The following SCD5 variants were observed in gnomAD, a reference collection of about 807,000 sequenced individuals.
SCD5 encodes stearoyl-CoA desaturase 5.
A neutral mutation model predicts 30.4 loss-of-function variants in SCD5; 20 were observed. That is an observed-to-expected ratio of 0.66 (90% CI 0.46 to 0.96). The LOEUF (loss-of-function observed/expected upper bound fraction) is 0.96, where lower values mean the gene tolerates loss of function less well. Among genes scored for constraint, SCD5 ranks in the 40% least tolerant of loss-of-function variants. The pLI is 0.00. For missense variants in SCD5, 381 were observed against 443.3 expected, an observed-to-expected ratio of 0.86 and a Z score of 1.26; for synonymous variants, 173 against 176.4, an observed-to-expected ratio of 0.98 and a Z score of 0.16.
chr4:82,635,869 C>T (rs114975915), intron 4 of SCD5, among the ~76,000 whole-genome samples: 6 of 152,082 alleles, frequency 3.9e-5, no homozygotes, highest in Non-Finnish European at 8.8e-5. Flanking sequence ...TTCATGGTCC[C>T]GTGAAATGCC....
intron 1 of SCD5, among the ~76,000 whole-genome samples, chr4:82,724,384 A>G (rs1299488685): frequency 6.6e-6 from 1 of 152,188 alleles, no homozygotes; most frequent in African/African-American, 2.4e-5. Flanking sequence ...TGGGAGGCTG[A>G]GGCAGGAGGA....
At chr4:82,778,159 T>A (rs551057568) in intron 1 of SCD5, among the ~76,000 whole-genome samples, 42 of 151,370 alleles carry the variant, frequency 2.8e-4, no homozygotes, top group African/African-American at 7.0e-4. Flanking sequence ...TAAGTGGGAG[T>A]TGAACAATGA....
At chr4:82,648,538 TGG>T (rs33965699) in intron 3 of SCD5, among the ~76,000 whole-genome samples, 144,823 of 152,148 alleles carry the variant, frequency 0.95, 69,029 homozygotes, top group East Asian at 1. Context: ...TGCTCTGTGT[TGG>T]TTTCCAAGAG....
chr4:82,645,872 T>A (rs1727625272), intron 3 of SCD5, among the ~76,000 whole-genome samples: 1 of 152,254 alleles, frequency 6.6e-6, no homozygotes, highest in African/African-American at 2.4e-5. Context: ...AATCTGGGTG[T>A]GATAAGCATC....
intron 2 of SCD5, among the ~76,000 whole-genome samples, chr4:82,694,319 C>G (rs1386025206): frequency 6.6e-6 from 1 of 152,204 alleles, no homozygotes; most frequent in Non-Finnish European, 1.5e-5. Flanking sequence ...GCATCATGTT[C>G]CCTTCTGCTG....
chr4:82,730,806 G>A (rs555429838), intron 1 of SCD5, among the ~76,000 whole-genome samples: 5 of 152,018 alleles, frequency 3.3e-5, no homozygotes, highest in South Asian at 2.1e-4. Context: ...AGATGGTCTC[G>A]GTCTCCTGAC....
intron 1 of SCD5, among the ~76,000 whole-genome samples, chr4:82,774,235 A>C (rs559807618): frequency 5.9e-5 from 9 of 151,534 alleles, no homozygotes; most frequent in African/African-American, 2.2e-4. Flanking sequence ...AACGAAAAAC[A>C]ACCTAAATTT....
intron 1 of SCD5, among the ~76,000 whole-genome samples, chr4:82,792,650 A>G (rs1179749786): frequency 6.6e-6 from 1 of 152,234 alleles, no homozygotes; most frequent in Non-Finnish European, 1.5e-5. Flanking sequence ...TGAACCCAGG[A>G]GGTTGAGGCT....
intron 1 of SCD5, among the ~76,000 whole-genome samples, chr4:82,782,086 C>T (rs74585323): frequency 6.6e-6 from 1 of 150,654 alleles, no homozygotes; most frequent in Admixed American, 6.7e-5. Flanking sequence ...AAGGACCCTC[C>T]TATCTTGGGT....
intron 1 of SCD5, among the ~76,000 whole-genome samples, chr4:82,736,277 A>G (rs1364588385): frequency 6.6e-6 from 1 of 151,170 alleles, no homozygotes; most frequent in Non-Finnish European, 1.5e-5. Flanking sequence ...ACAGAGCAAG[A>G]CCCTGTCTAA....
In SCD5 at chr4:82,631,257, A is replaced by G. The variant is rs1727285057; in HGVS notation, c.*70T>C. On this transcript the variant is annotated 3_prime_UTR_variant, in exon 5 of 5. Coordinates refer to ENST00000319540, the MANE Select transcript of SCD5 (RefSeq NM_001037582.3). The stretch of plus-strand genomic sequence containing the variant: ...GCCCCCTCCCACGATCCAATGTACA[A>G]GAGAGCTATTGTAACCAAAGCCATG... 5.6e-6 allele frequency: 8 copies of G among 1,421,086 alleles called. No homozygotes were observed. The highest frequency in any genetic ancestry group is 7.7e-6 in the Non-Finnish European group (8 of 1,032,896). The allele number at this position is 1,421,086 out of a possible 1,614,324, so 88.0% of individuals were successfully genotyped here.
intron 1 of SCD5, among the ~76,000 whole-genome samples, chr4:82,763,860 C>T (rs1721430267): frequency 6.6e-6 from 1 of 152,184 alleles, no homozygotes. Context: ...TCAGCTGCCC[C>T]CAGCAGCAAC....
At position 82,629,610 on chromosome 4, in the gene SCD5, C is replaced by T. The variant is rs1479937084; in HGVS notation, c.*1717G>A. 6.6e-6 allele frequency: 1 copy of T among 152,246 alleles called. No individual in the cohort carries two copies. Among genetic ancestry groups the T allele is most frequent in the African/African-American group, 2.4e-5 (1 of 41,474 alleles). 9.4% of individuals were successfully genotyped at this position (152,246 alleles called of 1,614,324 possible). A position where few individuals can be genotyped will look rare whatever the true frequency, so the allele number is the denominator to read the frequency against. The stretch of plus-strand genomic sequence containing the variant: ...CCAGTGGCAAAATAACACTGTTAAA[C>T]ACCTACTGGATGAAGAACTTCATTG... On this transcript the variant is annotated 3_prime_UTR_variant, in exon 5 of 5. Coordinates refer to ENST00000319540, the MANE Select transcript of SCD5 (RefSeq NM_001037582.3).
chr4:82,686,313 C>T (rs570908078), intron 2 of SCD5, among the ~76,000 whole-genome samples: 6 of 152,262 alleles, frequency 3.9e-5, no homozygotes, highest in South Asian at 2.1e-4. Flanking sequence ...GCCACTTGTA[C>T]GCTTTTCAAT....
Position 82,681,896 on chromosome 4 carries a change from C to G in SCD5, c.364-984G>C, listed in dbSNP as rs567358596. 3.9e-5 allele frequency among the ~76,000 whole-genome samples: 6 copies of G among 152,300 alleles called. No homozygotes were observed. The South Asian group carries it at 1.2e-3, about 32-fold the overall frequency. ...CCAGATGTCTCTGCCTCTCTCCTCA[C>G]TTTGGTGTTCTTCATGTGTGACTCA... On this transcript the variant is annotated intron_variant, in intron 2 of 4. Transcript: ENST00000319540.
chr4:82,667,288 G>GCACA (rs1728211915), intron 3 of SCD5, among the ~76,000 whole-genome samples: 1 of 132,338 alleles, frequency 7.6e-6, no homozygotes, highest in Non-Finnish European at 1.7e-5. Context: ...ACACACACAC[G>GCACA]CACGCACGCA....
intron 1 of SCD5, among the ~76,000 whole-genome samples, chr4:82,764,703 C>T (rs968230496): frequency 1.1e-4 from 16 of 151,226 alleles, no homozygotes; most frequent in Non-Finnish European, 2.4e-4. Context: ...GCTTTAAACA[C>T]GATCTTTTAA....
chr4:82,635,212 T>C (rs1033521673), intron 4 of SCD5, among the ~76,000 whole-genome samples: 4 of 152,220 alleles, frequency 2.6e-5, no homozygotes, highest in Non-Finnish European at 4.4e-5. Context: ...TAACTCCTTT[T>C]AGCCTGAGGC....
intron 1 of SCD5, among the ~76,000 whole-genome samples, chr4:82,753,170 A>G (rs1043227422): frequency 7.9e-5 from 12 of 152,140 alleles, no homozygotes; most frequent in African/African-American, 2.9e-4. Context: ...CCAGTTTGAG[A>G]GACATGTGTC....
Sources: allele counts gnomAD v4.1 joint callset (sites outside exome capture counted in the v4.1 genomes callset), GRCh38; gene constraint gnomAD v4.1.1; transcripts MANE v1.5; gene names NCBI Gene and HGNC (gene_info 2026-07-23, HGNC 2026-07-21).